Variants in PRAG1 observed in about 807,000 individuals in gnomAD.
PRAG1 encodes the protein PEAK1 related, kinase-activating pseudokinase 1, also known as inactive tyrosine-protein kinase PRAG1.
PRAG1 carries 110 observed loss-of-function variants against 95.6 expected under a neutral mutation model. That is an observed-to-expected ratio of 1.15 (90% CI 0.99 to 1.35). The LOEUF (loss-of-function observed/expected upper bound fraction) is 1.35. Ranked by LOEUF, PRAG1 falls within the 40% of genes most tolerant of loss-of-function variation. The probability of loss-of-function intolerance (pLI) is 0.00; values close to 1 mark genes in which losing one functional copy is unlikely to be tolerated. For synonymous variants in PRAG1, 1,052 were observed against 819.4 expected, an observed-to-expected ratio of 1.28 and a Z score of -4.85; for missense variants, 2,554 against 1,864.7, an observed-to-expected ratio of 1.37 and a Z score of -6.81.
At chr8:8,379,869 G>A (rs569226623) in intron 2 of PRAG1, among the ~76,000 whole-genome samples, 5 of 152,174 alleles carry the variant, frequency 3.3e-5, no homozygotes, top group Admixed American at 6.5e-5. Flanking sequence ...GAAGAAAGCT[G>A]GTAAAATCCA....
intron 5 of PRAG1, among the ~76,000 whole-genome samples, chr8:8,326,644 G>C (rs1436702096): frequency 1.3e-5 from 2 of 152,214 alleles, no homozygotes; most frequent in Non-Finnish European, 2.9e-5. Flanking sequence ...TACAGTGTGG[G>C]TAGCAAGAGG....
chr8:8,374,658 T>A (rs1445181225), intron 3 of PRAG1: 1 of 985,402 alleles, frequency 1.0e-6, no homozygotes, highest in Non-Finnish European at 1.2e-6. Flanking sequence ...TCTTAGCTGC[T>A]GAATCTCTCA....
chr8:8,373,784 T>C (rs534890926), intron 3 of PRAG1, among the ~76,000 whole-genome samples: 1 of 152,076 alleles, frequency 6.6e-6, no homozygotes, highest in Non-Finnish European at 1.5e-5. Context: ...TCCTCTAACT[T>C]GTTTATTTTT....
intron 2 of PRAG1, among the ~76,000 whole-genome samples, chr8:8,380,001 G>A (rs1417531918): frequency 1.3e-5 from 2 of 152,184 alleles, no homozygotes; most frequent in Admixed American, 1.3e-4. Context: ...AGCACTATGG[G>A]AGGCTGAGGC....
chr8:8,357,341 A>C (rs1386731069), intron 3 of PRAG1, among the ~76,000 whole-genome samples: 2 of 152,202 alleles, frequency 1.3e-5, no homozygotes, highest in Non-Finnish European at 2.9e-5. Flanking sequence ...AACAACAAGA[A>C]ACCAAACAAT....
chr8:8,344,224 T>C (rs1372691641), intron 3 of PRAG1, among the ~76,000 whole-genome samples: 1 of 152,230 alleles, frequency 6.6e-6, no homozygotes, highest in African/African-American at 2.4e-5. Flanking sequence ...TTCTAAACTG[T>C]TGAACGGTGC....
Position 8,328,019 on chromosome 8 carries a change from G to C in PRAG1, c.2763C>G (p.Ser921=). The part of the protein sequence containing the change: ...QCKGAPSASS[S]QLSVSSQAST... ...AGGCTTGACTGGACACGCTCAGCTG[G>C]GAGGATGAGGCGGAGGGGGCCCCTT... The change falls in exon 5 of 6, where the codon TCC becomes TCG. Residue 921 remains serine, a synonymous_variant. Coordinates refer to ENST00000615670, the MANE Select transcript of PRAG1 (RefSeq NM_001080826.3). The C allele has an allele frequency of 1.3e-6, 2 of 1,584,968 alleles. No individual in the cohort carries two copies. Among genetic ancestry groups the C allele is most frequent in the African/African-American group, 2.7e-5 (2 of 74,304 alleles).
intron 3 of PRAG1, among the ~76,000 whole-genome samples, chr8:8,356,728 C>T (rs1477814447): frequency 6.6e-6 from 1 of 152,004 alleles, no homozygotes; most frequent in Non-Finnish European, 1.5e-5. Flanking sequence ...ATCCTAATAG[C>T]CAAAACAATC....
intron 3 of PRAG1, among the ~76,000 whole-genome samples, chr8:8,371,268 C>G (rs1009162583): frequency 1.3e-4 from 19 of 148,034 alleles, no homozygotes; most frequent in African/African-American, 4.4e-4. Flanking sequence ...CGAAAACTTT[C>G]TTTTTTTTTT....
chr8:8,320,317 G>T (rs1402867654), intron 5 of PRAG1, among the ~76,000 whole-genome samples: 1 of 152,150 alleles, frequency 6.6e-6, no homozygotes, highest in Non-Finnish European at 1.5e-5. Flanking sequence ...CTGAGATGAA[G>T]GTAGGAAAAA....
chr8:8,345,878 C>T (rs1282315137), intron 3 of PRAG1, among the ~76,000 whole-genome samples: 1 of 152,190 alleles, frequency 6.6e-6, no homozygotes, highest in African/African-American at 2.4e-5. Context: ...GAAACCTGTG[C>T]AATCTGTACT....
In PRAG1 at chr8:8,328,373, G is replaced by T. The variant is rs201882445; in HGVS notation, c.2409C>A (p.Asp803Glu). The stretch of plus-strand genomic sequence containing the variant: ...GCTGCTGGGGGCCACTGGGGGACAC[G>T]TCCTCAGTGGAGCCTGAAGGAAACG... Reference protein sequence around the residue: ...PVPFPSGSTEDVSPSGPQQPP... With the variant: ...PVPFPSGSTEEVSPSGPQQPP... Residue 803 changes from aspartate to glutamate, a missense_variant, in exon 5 of 6, where the codon GAC (aspartate) becomes GAA (glutamate). Coordinates refer to ENST00000615670, the MANE Select transcript of PRAG1 (RefSeq NM_001080826.3). The T allele has an allele frequency of 6.2e-7, 1 of 1,613,072 alleles. No homozygotes were observed. The highest frequency in any genetic ancestry group is 8.5e-7 in the Non-Finnish European group (1 of 1,179,406).
chr8:8,318,588 C>T lies in PRAG1; in HGVS notation c.3787G>A (p.Glu1263Lys), dbSNP rs375755627. Residue 1263 changes from glutamate to lysine, a missense_variant, in exon 6 of 6, where the codon GAG (glutamate) becomes AAG (lysine). Physicochemically the swap from Glu to Lys is moderately conservative, Grantham distance 56. Coordinates refer to ENST00000615670, the MANE Select transcript of PRAG1 (RefSeq NM_001080826.3). The surrounding 1 kb of genome is among the most constrained non-coding windows in gnomAD (Gnocchi z 4.2). ...DEFQTGILIY[E>K]LLHQPNPFEV... ...AACGGGTTGGGTTGGTGCAGCAGCT[C>T]GTAGATGAGGATGCCTGTCTGGAAC... is the stretch of plus-strand genomic sequence containing the variant. 1.2e-6 allele frequency: 2 copies of T among 1,613,236 alleles called. No individual in the cohort carries two copies. The highest frequency in any genetic ancestry group is 2.7e-5 in the African/African-American group (2 of 74,740).
At chr8:8,381,894 A>G in intron 1 of PRAG1, 60 bp from the exon 2 acceptor site, 1 of 613,376 alleles carries the variant, frequency 1.6e-6, no homozygotes, top group South Asian at 2.2e-5. Context: ...TGGGTGCATT[A>G]TCAATTAGAG....
chr8:8,377,134 C>T lies in PRAG1; in HGVS notation c.1275G>A (p.Val425=), dbSNP rs765944310. The T allele has an allele frequency of 6.2e-7, 1 of 1,612,680 alleles. No individual in the cohort carries two copies. Among genetic ancestry groups the T allele is most frequent in the African/African-American group, 1.3e-5 (1 of 75,052 alleles). ...ESTKRKKAAP[V]PSKSQAKIEH... is the part of the protein sequence containing the mutation. The stretch of plus-strand genomic sequence containing the variant: ...CTATCTTGGCCTGTGACTTGGAAGG[C>T]ACCGGAGCTGCCTTCTTCCTCTTGG... Residue 425 remains valine, a synonymous_variant, in exon 3 of 6, where the codon GTG becomes GTA. Coordinates refer to ENST00000615670, the MANE Select transcript of PRAG1 (RefSeq NM_001080826.3).
At chr8:8,341,197 G>A (rs1799150880) in intron 3 of PRAG1, among the ~76,000 whole-genome samples, 2 of 152,124 alleles carry the variant, frequency 1.3e-5, no homozygotes, top group South Asian at 4.1e-4. Flanking sequence ...CACTAAGGGA[G>A]AAACTACAGC....
chr8:8,328,589 C>CTATTTT, intron 4 of PRAG1, 128 bp from the exon 5 acceptor site: 1 of 1,040,082 alleles, frequency 9.6e-7, no homozygotes, highest in Non-Finnish European at 1.4e-6. Context: ...TACTTCTTTT[C>CTATTTT]TATTTCTCTA....
At chr8:8,338,450 G>A in intron 4 of PRAG1, among the ~76,000 whole-genome samples, 1 of 152,178 alleles carries the variant, frequency 6.6e-6, no homozygotes, top group African/African-American at 2.4e-5. Context: ...TGCCCTCTAT[G>A]GAATAATCTG....
rs1186136330 is a variant in PRAG1, at chr8:8,381,672, T to C, written c.76A>G (p.Lys26Glu). 1 of 1,613,514 alleles carries C rather than the reference T, an allele frequency of 6.2e-7. No individual in the cohort carries two copies. Among genetic ancestry groups the C allele is most frequent in the Non-Finnish European group, 8.5e-7 (1 of 1,179,656 alleles). ...AAGCAGTTCTTGCAGGACCCGGGTT[T>C]CCAGATGTGCTCCACAAAGTCACTG... ...ACSDFVEHIW[K>E]PGSCKNCFCL... The change falls in exon 2 of 6, where the codon AAA becomes GAA. Residue 26 changes from lysine (K) to glutamate (E), a missense_variant. By Grantham distance (56) the Lys-to-Glu change is moderately conservative. Transcript: ENST00000615670.
Sources: allele counts gnomAD v4.1 joint callset (sites outside exome capture counted in the v4.1 genomes callset), GRCh38; gene constraint gnomAD v4.1.1; non-coding constraint Gnocchi (gnomAD v3.1); transcripts MANE v1.5; gene names NCBI Gene and HGNC (gene_info 2026-07-23, HGNC 2026-07-21).